Variants in SYNE1 observed in about 807,000 individuals in gnomAD.
SYNE1 encodes nesprin-1.
SYNE1 carries 616 observed loss-of-function variants against 1,111.0 expected under a neutral mutation model. The observed-to-expected ratio is 0.55, with a 90% confidence interval of 0.52 to 0.59. SYNE1 has a LOEUF of 0.59. Ranked by LOEUF, SYNE1 falls within the 20% of genes least tolerant of loss-of-function variation. The pLI, the probability that SYNE1 is intolerant of heterozygous loss-of-function variation, is 0.00. For synonymous variants in SYNE1, 3,855 were observed against 3,825.8 expected (o/e 1.01, Z -0.28); for missense variants, 10,006 against 10,417.0 (o/e 0.96, Z 1.72).
intron 3 of SYNE1, among the ~76,000 whole-genome samples, chr6:152,576,488 C>T (rs1057065042): frequency 6.6e-6 from 1 of 152,126 alleles, no homozygotes; most frequent in Non-Finnish European, 1.5e-5. Flanking sequence ...CCTTTTGCCA[C>T]CAGATTAACT....
chr6:152,286,478 A>G lies in SYNE1; in HGVS notation c.18013-2306T>C, dbSNP rs139363585. Among the ~76,000 whole-genome samples, 176 of 152,314 alleles carry G rather than the reference A, an allele frequency of 1.2e-3. 6 individuals are homozygous for G. The East Asian group carries it at 0.032, about 28-fold the overall frequency. The stretch of plus-strand genomic sequence containing the variant: ...AGAGTTAACCCATTTTTATCATTAT[A>G]CCATATTCCACTGTCGCCTGGTTGT... On this transcript the variant is annotated intron_variant, in intron 95 of 145. Coordinates refer to ENST00000367255, the MANE Select transcript of SYNE1 (RefSeq NM_182961.4).
chr6:152,610,661 C>T (rs1449981154), intron 3 of SYNE1, among the ~76,000 whole-genome samples: 8 of 152,134 alleles, frequency 5.3e-5, no homozygotes, highest in Admixed American at 2.6e-4. Flanking sequence ...AAAGATACTC[C>T]TCGAGAAGAG....
intron 3 of SYNE1, among the ~76,000 whole-genome samples, chr6:152,553,151 A>T (rs947534573): frequency 3.9e-5 from 6 of 152,170 alleles, no homozygotes; most frequent in Admixed American, 2.6e-4. Flanking sequence ...TTTACATGTA[A>T]AGAGACTGGA....
At position 152,347,147 on chromosome 6, in the gene SYNE1, T is replaced by C; in HGVS notation, c.11990A>G (p.His3997Arg). The C allele has an allele frequency of 6.2e-7, 1 of 1,614,182 alleles. No homozygotes were observed. Among genetic ancestry groups the C allele is most frequent in the Non-Finnish European group, 8.5e-7 (1 of 1,180,036 alleles). The change falls in exon 73 of 146, where the codon CAC becomes CGC. Residue 3997 changes from histidine to arginine, a missense_variant. This residue lies in a region of SYNE1 where 4,955 missense variants were observed against 5,017.2 expected (regional missense o/e 0.99). Transcript: ENST00000367255. ...GTTTTGTTTAAGTTTCGCTTGCAGGTGGTCTGCACATTGGCCAATCAAAGT... is the reference window on the plus strand; with the variant it reads ...GTTTTGTTTAAGTTTCGCTTGCAGGCGGTCTGCACATTGGCCAATCAAAGT... ...GDTLIGQCAD[H>R]LQAKLKQNVH... is the part of the protein sequence containing the mutation.
chr6:152,221,043 C>T lies in SYNE1; in HGVS notation c.21660G>A (p.Trp7220Ter), dbSNP rs2080059879. The change falls in exon 119 of 146, where the codon TGG becomes TGA. Residue 7220 changes from tryptophan (W) to a stop codon, truncating the protein, a stop_gained. Coordinates refer to ENST00000367255, the MANE Select transcript of SYNE1 (RefSeq NM_182961.4). LOFTEE classifies it high-confidence loss of function. ...CAGCAATCTCTTCCAGCAAGTTATTCCATCTGGAAATAATAACCAACACTC... is the reference window on the plus strand; with the variant it reads ...CAGCAATCTCTTCCAGCAAGTTATTTCATCTGGAAATAATAACCAACACTC... ...TNTLKEVNMRWNNLLEEIAEQ... is the reference protein window; with the variant it reads ...TNTLKEVNMR The T allele has an allele frequency of 6.2e-7, 1 of 1,614,018 alleles. No individual in the cohort carries two copies. The highest frequency in any genetic ancestry group is 8.5e-7 in the Non-Finnish European group (1 of 1,179,968).
rs117480635 is a variant in SYNE1, at chr6:152,391,305, G to C, written c.7976C>G (p.Thr2659Ser). 3 of 1,613,922 alleles carry C rather than the reference G, an allele frequency of 1.9e-6. No individual in the cohort carries two copies. In the Admixed American group the frequency reaches 5.0e-5, roughly 27 times the overall value. Reference protein sequence around the residue: ...CAESTLGSKDTLEKRLSQIQD... With the variant: ...CAESTLGSKDSLEKRLSQIQD... Reference sequence around the variant, plus strand: ...TATTTGTGACAGCCGTTTCTCCAGGGTGTCTTTGCTCCCAAGAGTGCTCTC... The same window carrying C: ...TATTTGTGACAGCCGTTTCTCCAGGCTGTCTTTGCTCCCAAGAGTGCTCTC... Residue 2659 changes from threonine (T) to serine (S), a missense_variant, in exon 52 of 146, where the codon ACC becomes AGC. Physicochemically the swap from Thr to Ser is moderately conservative, Grantham distance 58. This residue lies in a region of SYNE1 where 4,955 missense variants were observed against 5,017.2 expected (regional missense o/e 0.99). Coordinates refer to ENST00000367255, the MANE Select transcript of SYNE1 (RefSeq NM_182961.4).
At chr6:152,248,025 TC>T (rs1469469141) in intron 105 of SYNE1, among the ~76,000 whole-genome samples, 2 of 152,044 alleles carry the variant, frequency 1.3e-5, no homozygotes, top group Non-Finnish European at 2.9e-5. Context: ...TATTCTAACA[TC>T]CCTCCCATTT....
chr6:152,269,113 T>C (rs1333653810), intron 99 of SYNE1, 42 bp downstream of exon 99: 7 of 1,613,894 alleles, frequency 4.3e-6, no homozygotes, highest in Middle Eastern at 1.6e-4. Context: ...GGTTCTTCTC[T>C]GGGCAGATCT....
intron 63 of SYNE1, 130 bp from the exon 64 acceptor site, chr6:152,362,453 G>A (rs577245692): frequency 2.4e-6 from 3 of 1,255,674 alleles, no homozygotes; most frequent in Admixed American, 3.8e-5. Flanking sequence ...GCTTGGGAGT[G>A]AGCAGGCTGC....
intron 3 of SYNE1, among the ~76,000 whole-genome samples, chr6:152,625,770 A>G (rs2099684456): frequency 6.6e-6 from 1 of 152,244 alleles, no homozygotes; most frequent in Non-Finnish European, 1.5e-5. Flanking sequence ...GATAGTTAGA[A>G]AAATTTGCAG....
chr6:152,246,758 C>T (rs536174860), intron 105 of SYNE1, among the ~76,000 whole-genome samples: 1 of 152,294 alleles, frequency 6.6e-6, no homozygotes, highest in Non-Finnish European at 1.5e-5. Context: ...CTCCCCAAGG[C>T]ATGTGATTGT....
chr6:152,284,264 G>C, intron 95 of SYNE1, 92 bp from the exon 96 acceptor site: 1 of 1,318,092 alleles, frequency 7.6e-7, no homozygotes, highest in South Asian at 1.2e-5. Context: ...ATTGGGATTA[G>C]CGGAAGAGAT....
At chr6:152,211,626 C>G in intron 123 of SYNE1, 38 bp from the exon 124 acceptor site, 1 of 1,563,148 alleles carries the variant, frequency 6.4e-7, no homozygotes. Flanking sequence ...CTTTAGAGTT[C>G]CTAATTTTAG....
At chr6:152,574,038 T>TA (rs777120677) in intron 3 of SYNE1, among the ~76,000 whole-genome samples, 152 of 152,028 alleles carry the variant, frequency 1.0e-3, no homozygotes, top group Non-Finnish European at 1.6e-3. Context: ...TACAGATTCT[T>TA]AAAAACAAAT....
intron 108 of SYNE1, among the ~76,000 whole-genome samples, chr6:152,239,310 T>C (rs2084976452): frequency 6.6e-6 from 1 of 152,156 alleles, no homozygotes; most frequent in African/African-American, 2.4e-5. Flanking sequence ...AGTGTGTATC[T>C]ATCTTACTTT....
intron 121 of SYNE1, among the ~76,000 whole-genome samples, chr6:152,217,719 C>T (rs2079077727): frequency 1.3e-5 from 2 of 151,872 alleles, no homozygotes. Flanking sequence ...GGTACAGGAA[C>T]ATGGAGAGGG....
intron 3 of SYNE1, among the ~76,000 whole-genome samples, chr6:152,604,279 T>C (rs1373090793): frequency 6.6e-6 from 1 of 151,808 alleles, no homozygotes; most frequent in Admixed American, 6.6e-5. Flanking sequence ...TGCATTACTA[T>C]ATAATCTGAG....
At chr6:152,369,645 G>A (rs1314466914) in intron 59 of SYNE1, 31 bp from the exon 60 acceptor site, 1 of 1,613,490 alleles carries the variant, frequency 6.2e-7, no homozygotes, top group East Asian at 2.2e-5. Flanking sequence ...TCCAGGACAA[G>A]AAAATATTTT....
At chr6:152,362,451 G>C (rs1361943286) in intron 63 of SYNE1, 128 bp from the exon 64 acceptor site, 2 of 1,267,108 alleles carry the variant, frequency 1.6e-6, no homozygotes, top group Non-Finnish European at 1.1e-6. Context: ...TTGCTTGGGA[G>C]TGAGCAGGCT....
Sources: allele counts gnomAD v4.1 joint callset (sites outside exome capture counted in the v4.1 genomes callset), GRCh38; gene constraint gnomAD v4.1.1; regional missense constraint gnomAD v4.1.1; transcripts MANE v1.5; gene names NCBI Gene and HGNC (gene_info 2026-07-23, HGNC 2026-07-21).